The following CNTNAP2 variants were observed in gnomAD, a reference collection of about 807,000 sequenced individuals.
CNTNAP2 encodes contactin-associated protein-like 2.
CNTNAP2 carries 98 observed loss-of-function variants against 155.2 expected under a neutral mutation model. The observed-to-expected ratio is 0.63, with a 90% CI of 0.54 to 0.75. CNTNAP2 has a LOEUF of 0.75. Ranked by LOEUF, CNTNAP2 falls within the 30% of genes least tolerant of loss-of-function variation. The pLI, the probability that CNTNAP2 is intolerant of heterozygous loss-of-function variation, is 0.00. For missense variants in CNTNAP2, 1,727 were observed against 1,688.1 expected (o/e 1.02, Z -0.40); for synonymous variants, 651 against 631.2 (o/e 1.03, Z -0.47).
At chr7:147,401,455 CAAAGA>C (rs1425544434) in intron 10 of CNTNAP2, among the ~76,000 whole-genome samples, 1 of 150,964 alleles carries the variant, frequency 6.6e-6, no homozygotes, top group Admixed American at 6.6e-5. Flanking sequence ...TTTTTTCTTT[CAAAGA>C]AAAGAATAAG....
chr7:147,190,264 T>G (rs748499071), intron 8 of CNTNAP2, among the ~76,000 whole-genome samples: 1 of 152,196 alleles, frequency 6.6e-6, no homozygotes, highest in African/African-American at 2.4e-5. Flanking sequence ...TGTAATTAAA[T>G]TTAAAGGAAT....
At chr7:146,229,787 T>G (rs552389568) in intron 1 of CNTNAP2, among the ~76,000 whole-genome samples, 7 of 152,266 alleles carry the variant, frequency 4.6e-5, no homozygotes, top group African/African-American at 1.7e-4. Flanking sequence ...CAGTCAAAAT[T>G]TAAATTAGCT....
At chr7:146,872,367 C>A (rs1244368565) in intron 3 of CNTNAP2, among the ~76,000 whole-genome samples, 2 of 152,064 alleles carry the variant, frequency 1.3e-5, no homozygotes, top group African/African-American at 4.8e-5. Context: ...TGACAAAACC[C>A]AGGCTTTGCC....
intron 8 of CNTNAP2, among the ~76,000 whole-genome samples, chr7:147,196,045 G>A (rs1346575231): frequency 6.6e-6 from 1 of 152,058 alleles, no homozygotes; most frequent in Non-Finnish European, 1.5e-5. Context: ...TATAAGAAGG[G>A]GAAATTAGGA....
chr7:148,279,017 A>G (rs1288256720), intron 21 of CNTNAP2, among the ~76,000 whole-genome samples: 1 of 152,216 alleles, frequency 6.6e-6, no homozygotes, highest in Non-Finnish European at 1.5e-5. Context: ...ACAGCCATCA[A>G]GGGACAGAGT....
chr7:146,388,253 A>C (rs1490181843), intron 1 of CNTNAP2, among the ~76,000 whole-genome samples: 1 of 151,874 alleles, frequency 6.6e-6, no homozygotes, highest in Non-Finnish European at 1.5e-5. Flanking sequence ...CAACATGGCA[A>C]AACCCTGTTT....
intron 10 of CNTNAP2, among the ~76,000 whole-genome samples, chr7:147,447,175 T>G (rs1042362982): frequency 2.0e-5 from 3 of 152,202 alleles, no homozygotes; most frequent in Admixed American, 6.5e-5. Context: ...AGCTAGTAGA[T>G]GCACACAAGT....
intron 10 of CNTNAP2, among the ~76,000 whole-genome samples, chr7:147,429,910 T>C (rs376900474): frequency 6.8e-4 from 103 of 152,302 alleles, no homozygotes; most frequent in African/African-American, 2.3e-3. Context: ...TTCTGTTCCA[T>C]TGGTGTACAT....
intron 1 of CNTNAP2, among the ~76,000 whole-genome samples, chr7:146,447,960 T>G (rs1584930113): frequency 6.6e-6 from 1 of 152,104 alleles, no homozygotes; most frequent in Non-Finnish European, 1.5e-5. Context: ...GACCTTTTAT[T>G]AATAATATTG....
chr7:146,284,910 G>T (rs1183234012), intron 1 of CNTNAP2, among the ~76,000 whole-genome samples: 1 of 152,150 alleles, frequency 6.6e-6, no homozygotes, highest in South Asian at 2.1e-4. Context: ...CACAGGCTAT[G>T]ACTATGCTTC....
At chr7:147,737,368 G>A (rs932129178) in intron 13 of CNTNAP2, among the ~76,000 whole-genome samples, 1 of 152,152 alleles carries the variant, frequency 6.6e-6, no homozygotes, top group African/African-American at 2.4e-5. Flanking sequence ...GTTGCTGCCT[G>A]ATCGTTCCTC....
chr7:146,913,536 T>G (rs1303583992), intron 3 of CNTNAP2, among the ~76,000 whole-genome samples: 1 of 152,084 alleles, frequency 6.6e-6, no homozygotes, highest in East Asian at 1.9e-4. Flanking sequence ...GCCAGCATGG[T>G]TGAGTTTTTG....
chr7:147,860,119 T>G (rs1416155061), intron 13 of CNTNAP2, among the ~76,000 whole-genome samples: 1 of 152,004 alleles, frequency 6.6e-6, no homozygotes, highest in African/African-American at 2.4e-5. Context: ...TCTCACAAAA[T>G]CTAATACTTT....
At chr7:146,242,593 T>A (rs1036738609) in intron 1 of CNTNAP2, among the ~76,000 whole-genome samples, 12 of 151,594 alleles carry the variant, frequency 7.9e-5, no homozygotes, top group African/African-American at 2.9e-4. Context: ...AAAACATGGA[T>A]ACCCAAATAG....
At position 147,503,701 on chromosome 7, in the gene CNTNAP2, T is replaced by A. The variant is rs551056366; in HGVS notation, c.1777+17660T>A. On this transcript the variant is annotated intron_variant, in intron 11 of 23. Transcript: ENST00000361727. ...CTCTTTTGTAAAAAAAAAAAAATAT[T>A]TTTGACAGCAATTAGTTCTGTGTAA... 2.5e-3 allele frequency among the ~76,000 whole-genome samples: 354 copies of A among 142,796 alleles called. 1 individual carries two copies. Among genetic ancestry groups the A allele is most frequent in the East Asian group, 0.012 (55 of 4,658 alleles). The allele number at this position is 142,796 out of a possible 152,430, so 93.7% of individuals were successfully genotyped here. A position where few individuals can be genotyped will look rare whatever the true frequency, so the allele number is the denominator to read the frequency against.
At chr7:147,465,124 G>A (rs1798096646) in intron 10 of CNTNAP2, among the ~76,000 whole-genome samples, 1 of 152,150 alleles carries the variant, frequency 6.6e-6, no homozygotes, top group African/African-American at 2.4e-5. Flanking sequence ...CACAAAGATA[G>A]AAAGAGTAGA....
intron 2 of CNTNAP2, among the ~76,000 whole-genome samples, chr7:146,819,799 T>A (rs2129195819): frequency 6.6e-6 from 1 of 152,262 alleles, no homozygotes; most frequent in African/African-American, 2.4e-5. Flanking sequence ...TCAGAATGTC[T>A]AGAAGTCAGC....
At chr7:147,445,942 C>T (rs1584952601) in intron 10 of CNTNAP2, among the ~76,000 whole-genome samples, 1 of 151,874 alleles carries the variant, frequency 6.6e-6, no homozygotes, top group Non-Finnish European at 1.5e-5. Context: ...GATGATTCTA[C>T]TATGGAGAAA....
chr7:147,161,029 T>C (rs1802014401), intron 8 of CNTNAP2, among the ~76,000 whole-genome samples: 1 of 152,100 alleles, frequency 6.6e-6, no homozygotes, highest in Non-Finnish European at 1.5e-5. Flanking sequence ...GAAAGGGACA[T>C]TCAAGAGACA....
Sources: allele counts gnomAD v4.1 joint callset (sites outside exome capture counted in the v4.1 genomes callset), GRCh38; gene constraint gnomAD v4.1.1; transcripts MANE v1.5; gene names NCBI Gene and HGNC (gene_info 2026-07-23, HGNC 2026-07-21).